The following TMEM255B variants were observed in gnomAD, a reference collection of about 807,000 sequenced individuals.
The protein encoded by TMEM255B is transmembrane protein 255B.
TMEM255B carries 35 observed loss-of-function variants against 34.5 expected under a neutral mutation model. The ratio of observed to expected loss-of-function variants is 1.01; its 90% CI spans 0.77 to 1.34. The LOEUF (loss-of-function observed/expected upper bound fraction) is 1.34, where lower values mean the gene tolerates loss of function less well. Among genes scored for constraint, TMEM255B ranks in the 40% most tolerant of loss-of-function variants. TMEM255B has a pLI of 0.00. For missense variants in TMEM255B, 432 were observed against 433.2 expected (o/e 1.00, Z 0.02); for synonymous variants, 206 against 201.2 (o/e 1.02, Z -0.20).
At chr13:113,801,867 C>T (rs889385851) in intron 7 of TMEM255B, 55 bp downstream of exon 7, 3 of 1,500,916 alleles carry the variant, frequency 2.0e-6, no homozygotes, top group Non-Finnish European at 1.8e-6. Flanking sequence ...GCTCCGGGTC[C>T]ATTTCCCCGG....
chr13:113,811,661 A>G, intron 8 of TMEM255B, 75 bp from the exon 9 acceptor site: 3 of 1,561,668 alleles, frequency 1.9e-6, no homozygotes, highest in South Asian at 2.3e-5. Context: ...TGGCCCTGGT[A>G]TATGTCAGGC....
chr13:113,807,567 A>G (rs1414838901), intron 8 of TMEM255B, among the ~76,000 whole-genome samples: 19 of 72,692 alleles, frequency 2.6e-4, no homozygotes, highest in African/African-American at 4.7e-4. Context: ...CGTCACACGC[A>G]GGCTTACGGG....
chr13:113,767,698 AGG>A, intron 2 of TMEM255B, among the ~76,000 whole-genome samples: 1 of 152,378 alleles, frequency 6.6e-6, no homozygotes, highest in Admixed American at 6.5e-5. Context: ...AGCAGCTTCA[AGG>A]AAACGTGGCT....
At chr13:113,772,241 C>T (rs1302148139) in intron 3 of TMEM255B, among the ~76,000 whole-genome samples, 1 of 152,178 alleles carries the variant, frequency 6.6e-6, no homozygotes, top group Non-Finnish European at 1.5e-5. Flanking sequence ...AGATACAAAT[C>T]GCTTCTCAGA....
chr13:113,765,110 T>A (rs1002724303), intron 1 of TMEM255B, among the ~76,000 whole-genome samples: 6 of 152,136 alleles, frequency 3.9e-5, no homozygotes, highest in African/African-American at 1.4e-4. Context: ...GACAAGTGTA[T>A]CTTTGCAAGG....
Position 113,795,234 on chromosome 13 carries a change from C to T in TMEM255B, c.339C>T (p.His113=), listed in dbSNP as rs1343805132. ...AIVDGVFAAQ[H]IEPRPLTTGR... is the part of the protein sequence containing the mutation. ...TGGACGGCGTATTTGCAGCACAGCA[C>T]ATTGTGAGTACATTGTCATTGTGTG... The change falls in exon 4 of 9, where the codon CAC becomes CAT. Residue 113 remains histidine, a synonymous_variant. Coordinates refer to ENST00000375353, the MANE Select transcript of TMEM255B (RefSeq NM_182614.4). 6.2e-7 allele frequency: 1 copy of T among 1,613,356 alleles called. No individual in the cohort carries two copies. The highest frequency in any genetic ancestry group is 1.3e-5 in the African/African-American group (1 of 74,924).
At chr13:113,775,773 C>T (rs1245096634) in intron 3 of TMEM255B, among the ~76,000 whole-genome samples, 2 of 152,254 alleles carry the variant, frequency 1.3e-5, no homozygotes, top group East Asian at 3.9e-4. Flanking sequence ...AGCCTCACCA[C>T]CGAGGCCTCT....
chr13:113,812,271 T>C lies in TMEM255B; in HGVS notation c.*368T>C, dbSNP rs2051327325. ...CCCGGCCTCCCTGCCTGTGTGTTCT[T>C]GTTTGTGGACATGTGTTGTGCGTTA... On this transcript the variant is annotated 3_prime_UTR_variant, in exon 9 of 9. Coordinates refer to ENST00000375353, the MANE Select transcript of TMEM255B (RefSeq NM_182614.4). 7.3e-6 allele frequency: 2 copies of C among 275,096 alleles called. No homozygotes were observed. The highest frequency in any genetic ancestry group is 5.0e-5 in the Admixed American group (1 of 20,162). The allele number at this position is 275,096 out of a possible 1,614,324, so 17.0% of individuals were successfully genotyped here. A position where few individuals can be genotyped will look rare whatever the true frequency, so the allele number is the denominator to read the frequency against.
chr13:113,765,175 T>A (rs959054903), intron 1 of TMEM255B, among the ~76,000 whole-genome samples: 1 of 152,188 alleles, frequency 6.6e-6, no homozygotes, highest in African/African-American at 2.4e-5. Context: ...CAAGAGGGCC[T>A]TGAAGGAAGG....
intron 3 of TMEM255B, among the ~76,000 whole-genome samples, chr13:113,777,753 G>A (rs1031524069): frequency 3.3e-5 from 5 of 152,212 alleles, no homozygotes; most frequent in African/African-American, 9.6e-5. Context: ...TGGGGGGAGC[G>A]AGGGCGGCGC....
At chr13:113,778,109 G>T (rs560736764) in intron 3 of TMEM255B, among the ~76,000 whole-genome samples, 9 of 152,224 alleles carry the variant, frequency 5.9e-5, no homozygotes, top group Non-Finnish European at 1.0e-4. Flanking sequence ...GTAGAGGAAG[G>T]CTCGGAACAA....
At position 113,766,153 on chromosome 13, in the gene TMEM255B, G is replaced by T. The variant is rs374032024; in HGVS notation, c.85G>T (p.Val29Leu). 1.1e-5 allele frequency: 18 copies of T among 1,614,252 alleles called. No individual in the cohort carries two copies. Among genetic ancestry groups the T allele is most frequent in the Non-Finnish European group, 1.4e-5 (17 of 1,180,044 alleles). ...SRRKKTSLWFVGSLLLVSVLI... is the reference protein window; with the variant it reads ...SRRKKTSLWFLGSLLLVSVLI... ...GAGGAAGAAGACGTCGCTCTGGTTT[G>T]TGGGGTCTCTGCTGCTGGTGTCCGT... The change falls in exon 2 of 9, where the codon GTG becomes TTG. Residue 29 changes from valine (V) to leucine (L), a missense_variant. Val to Leu is a conservative substitution (Grantham distance 32). Coordinates refer to ENST00000375353, the MANE Select transcript of TMEM255B (RefSeq NM_182614.4).
At chr13:113,767,910 G>T (rs1450545251) in intron 2 of TMEM255B, among the ~76,000 whole-genome samples, 1 of 152,218 alleles carries the variant, frequency 6.6e-6, no homozygotes, top group Non-Finnish European at 1.5e-5. Flanking sequence ...TTTTTGACGT[G>T]TGGAGTTGAA....
chr13:113,790,898 G>A (rs996216552), intron 3 of TMEM255B, among the ~76,000 whole-genome samples: 2 of 152,226 alleles, frequency 1.3e-5, no homozygotes, highest in Non-Finnish European at 2.9e-5. Flanking sequence ...CCACACTCTC[G>A]CTGAATTTTA....
intron 1 of TMEM255B, among the ~76,000 whole-genome samples, chr13:113,762,766 GGAC>G (rs890172659): frequency 6.6e-6 from 1 of 152,196 alleles, no homozygotes; most frequent in African/African-American, 2.4e-5. Context: ...CCTGACAGAC[GGAC>G]GCCCACAGGA....
At chr13:113,786,329 A>G (rs960080329) in intron 3 of TMEM255B, among the ~76,000 whole-genome samples, 2 of 151,446 alleles carry the variant, frequency 1.3e-5, no homozygotes, top group African/African-American at 4.9e-5. Flanking sequence ...TGTCATCACC[A>G]TCCCCATCAC....
At position 113,812,979 on chromosome 13, in the gene TMEM255B, G is replaced by GGACAGGTCTCGGGTGGATCACA. The variant is rs1566342277; in HGVS notation, c.*1077_*1078insACAGGTCTCGGGTGGATCACAG. On this transcript the variant is annotated 3_prime_UTR_variant, in exon 9 of 9. Transcript: ENST00000375353. Reference sequence around the variant, plus strand: ...GGGTCACGGGCCCCGGGTGGGTCACGGGTCCCGGGTGGGTCACGGGTCCCG... The same window carrying GGACAGGTCTCGGGTGGATCACA: ...GGGTCACGGGCCCCGGGTGGGTCACGGACAGGTCTCGGGTGGATCACAGGTCCCGGGTGGGTCACGGGTCCCG... 1.0e-5 allele frequency: 1 copy of GGACAGGTCTCGGGTGGATCACA among 95,770 alleles called. No homozygotes were observed. Among genetic ancestry groups the GGACAGGTCTCGGGTGGATCACA allele is most frequent in the Non-Finnish European group, 2.2e-5 (1 of 45,314 alleles). The allele number at this position is 95,770 out of a possible 1,614,324, so 5.9% of individuals were successfully genotyped here. A position where few individuals can be genotyped will look rare whatever the true frequency, so the allele number is the denominator to read the frequency against.
At chr13:113,799,909 G>T (rs1461760118) in intron 5 of TMEM255B, 1 of 1,251,734 alleles carries the variant, frequency 8.0e-7, no homozygotes, top group Non-Finnish European at 1.1e-6. Flanking sequence ...CGCTCTCTGT[G>T]TGTCTCGCAC....
At position 113,801,640 on chromosome 13, in the gene TMEM255B, C is replaced by A. The variant is rs548073957; in HGVS notation, c.510-13C>A. 2.0e-5 allele frequency: 31 copies of A among 1,579,780 alleles called. No homozygotes were observed. In the South Asian group the frequency reaches 3.2e-4, roughly 16 times the overall value. On this transcript the variant is annotated splice_polypyrimidine_tract_variant and intron_variant, in intron 6 of 8. Coordinates refer to ENST00000375353, the MANE Select transcript of TMEM255B (RefSeq NM_182614.4). Reference sequence around the variant, plus strand: ...GCCTCGTGCGGTGACGCCATGGTGCCCTCTCTGTGCAGCGCAGAGCCCTCG... The same window carrying A: ...GCCTCGTGCGGTGACGCCATGGTGCACTCTCTGTGCAGCGCAGAGCCCTCG...
Sources: allele counts gnomAD v4.1 joint callset (sites outside exome capture counted in the v4.1 genomes callset), GRCh38; gene constraint gnomAD v4.1.1; transcripts MANE v1.5; gene names NCBI Gene and HGNC (gene_info 2026-07-23, HGNC 2026-07-21).